The following SUMF1 variants were observed in gnomAD, a reference collection of about 807,000 sequenced individuals.
SUMF1 encodes formylglycine-generating enzyme.
SUMF1 carries 48 observed loss-of-function variants against 47.6 expected under a neutral mutation model. The ratio of observed to expected loss-of-function variants is 1.01; its 90% CI spans 0.80 to 1.28. The LOEUF is 1.28. Among genes scored for constraint, SUMF1 ranks in the 50% most tolerant of loss-of-function variants. The pLI is 0.00. For missense variants in SUMF1, 571 were observed against 485.4 expected, an observed-to-expected ratio of 1.18 and a Z score of -1.66; for synonymous variants, 230 against 192.1, an observed-to-expected ratio of 1.20 and a Z score of -1.63.
chr3:4,111,806 C>T (rs1432346897), intron 8 of SUMF1, among the ~76,000 whole-genome samples: 1 of 152,004 alleles, frequency 6.6e-6, no homozygotes. Flanking sequence ...ATACCAAGTA[C>T]AACGTAAAAG....
intron 8 of SUMF1, among the ~76,000 whole-genome samples, chr3:4,233,071 G>A (rs1466877030): frequency 6.6e-6 from 1 of 152,104 alleles, no homozygotes; most frequent in Non-Finnish European, 1.5e-5. Context: ...CCTAAGCCAG[G>A]TTTTCAATAG....
intron 8 of SUMF1, among the ~76,000 whole-genome samples, chr3:4,107,906 A>C (rs1693194475): frequency 6.6e-6 from 1 of 152,116 alleles, no homozygotes. Context: ...ACTACTAAAT[A>C]CATGAGCTGT....
At position 4,050,731 on chromosome 3, in the gene SUMF1, A is replaced by G. The variant is rs1380955274; in HGVS notation, c.1191+17838T>C. ...GCACTCCACTTCAGCCTGGGCAACC[A>G]GAGTGAGACCCTGTCTCAAAAAAAA... On this transcript the variant is annotated intron_variant and NMD_transcript_variant, in intron 9 of 12. Transcript: ENST00000448413. 4.9e-5 allele frequency among the ~76,000 whole-genome samples: 7 copies of G among 144,060 alleles called. No homozygotes were observed. In the East Asian group the frequency reaches 1.4e-3, roughly 29 times the overall value. 94.5% of individuals were successfully genotyped at this position (144,060 alleles called of 152,430 possible).
chr3:4,349,075 C>T (rs1699433065), intron 8 of SUMF1, among the ~76,000 whole-genome samples: 1 of 152,148 alleles, frequency 6.6e-6, no homozygotes, highest in Non-Finnish European at 1.5e-5. Flanking sequence ...ATCTACAGAA[C>T]AGGAGACAAT....
intron 5 of SUMF1, 28 bp from the exon 6 acceptor site, chr3:4,417,270 T>C: frequency 6.3e-7 from 1 of 1,597,990 alleles, no homozygotes; most frequent in Non-Finnish European, 8.6e-7. Flanking sequence ...GGCATCAGCC[T>C]GTCAAACAGG....
chr3:4,272,939 G>A (rs569526948), intron 8 of SUMF1, among the ~76,000 whole-genome samples: 16 of 152,068 alleles, frequency 1.1e-4, no homozygotes, highest in East Asian at 1.9e-4. Flanking sequence ...GCGAGGCATC[G>A]TGTTACGCAC....
chr3:4,069,354 C>T (rs1465162788), intron 8 of SUMF1, among the ~76,000 whole-genome samples: 1 of 152,158 alleles, frequency 6.6e-6, no homozygotes, highest in South Asian at 2.1e-4. Flanking sequence ...TCACTTAGGG[C>T]CCTGTGCTCA....
At chr3:4,435,014 G>A (rs1003581708) in intron 3 of SUMF1, among the ~76,000 whole-genome samples, 16 of 152,078 alleles carry the variant, frequency 1.1e-4, no homozygotes, top group African/African-American at 3.4e-4. Flanking sequence ...TGCAACCTCC[G>A]CCACCCAGGT....
chr3:4,421,034 G>C (rs1326777815), intron 3 of SUMF1, among the ~76,000 whole-genome samples: 2 of 152,178 alleles, frequency 1.3e-5, no homozygotes, highest in Admixed American at 6.5e-5. Context: ...GGTCAAGTGA[G>C]GTAAGATTGG....
At chr3:4,296,777 GATA>G (rs140633173) in intron 8 of SUMF1, among the ~76,000 whole-genome samples, 3,800 of 151,868 alleles carry the variant, frequency 0.025, 166 homozygotes, top group African/African-American at 0.086. Context: ...ACTGTCTAAT[GATA>G]ATAATGGTAA....
rs1171596276 is a variant in SUMF1 at position 4,240,895 on chromosome 3, CCCTTTATAAAGA to C, written c.1014+135423_1014+135434del. On this transcript the variant is annotated intron_variant and NMD_transcript_variant, in intron 8 of 12. Transcript: ENST00000448413. Reference sequence around the variant, plus strand: ...CCTACGGAACTGAAGTGTCAAGTGACCCTTTATAAAGACCTTTATAAAGACTTAAATGACAAA... The same window carrying C: ...CCTACGGAACTGAAGTGTCAAGTGACCCTTTATAAAGACTTAAATGACAAA... Among the ~76,000 whole-genome samples the C allele has an allele frequency of 4.0e-5, 6 of 151,894 alleles. No individual in the cohort carries two copies. The East Asian group carries it at 5.8e-4, about 15-fold the overall frequency.
At chr3:4,234,685 T>C (rs964231310) in intron 8 of SUMF1, among the ~76,000 whole-genome samples, 2 of 152,108 alleles carry the variant, frequency 1.3e-5, no homozygotes, top group African/African-American at 4.8e-5. Flanking sequence ...GACTTTAGTG[T>C]TAAGGAAGTA....
intron 4 of SUMF1, among the ~76,000 whole-genome samples, chr3:4,419,614 A>G (rs1412041623): frequency 2.0e-5 from 3 of 152,166 alleles, no homozygotes; most frequent in African/African-American, 4.8e-5. Context: ...AAGAATTCCA[A>G]TCTGGAACTC....
chr3:4,371,293 A>G (rs538638202), intron 8 of SUMF1, among the ~76,000 whole-genome samples: 4 of 152,174 alleles, frequency 2.6e-5, no homozygotes, highest in African/African-American at 7.2e-5. Context: ...TTTTAGTCCT[A>G]TTTCATTAAG....
rs965668239 is a variant in SUMF1, at chr3:4,325,620, C to G, written c.1014+50710G>C. Among the ~76,000 whole-genome samples, 3 of 151,892 alleles carry G rather than the reference C, an allele frequency of 2.0e-5. No homozygotes were observed. The East Asian group carries it at 5.8e-4, about 29-fold the overall frequency. On this transcript the variant is annotated intron_variant and NMD_transcript_variant, in intron 8 of 12. Coordinates refer to the SUMF1 transcript ENST00000448413. The stretch of plus-strand genomic sequence containing the variant: ...GTGTATATATGTGTACACACACACA[C>G]ACACACACACATATATGCATAGGTT...
chr3:4,238,698 C>T (rs1332198461), intron 8 of SUMF1, among the ~76,000 whole-genome samples: 1 of 152,086 alleles, frequency 6.6e-6, no homozygotes, highest in African/African-American at 2.4e-5. Context: ...GGATAGATTG[C>T]AAAAATTTTC....
intron 8 of SUMF1, among the ~76,000 whole-genome samples, chr3:4,171,805 G>C (rs1462757900): frequency 6.6e-6 from 1 of 152,138 alleles, no homozygotes; most frequent in African/African-American, 2.4e-5. Flanking sequence ...GTAAGAAAAA[G>C]CACAAGCTAA....
intron 9 of SUMF1, among the ~76,000 whole-genome samples, chr3:4,037,584 G>C (rs1234998815): frequency 6.6e-6 from 1 of 152,026 alleles, no homozygotes; most frequent in Non-Finnish European, 1.5e-5. Flanking sequence ...AGTTTCCTTT[G>C]ATTGGATTTT....
At position 4,320,464 on chromosome 3, in the gene SUMF1, T is replaced by C. The variant is rs371684767; in HGVS notation, c.1014+55866A>G. 7.2e-5 allele frequency among the ~76,000 whole-genome samples: 11 copies of C among 152,240 alleles called. No homozygotes were observed. The East Asian group carries it at 1.9e-3, about 27-fold the overall frequency. ...GAAGAGAAAGACCATTTTAATTACA[T>C]ACATGCAAATGGAAGCCTCAGAAAA... On this transcript the variant is annotated intron_variant and NMD_transcript_variant, in intron 8 of 12. Coordinates refer to the SUMF1 transcript ENST00000448413.
Sources: allele counts gnomAD v4.1 joint callset (sites outside exome capture counted in the v4.1 genomes callset), GRCh38; gene constraint gnomAD v4.1.1; transcripts MANE v1.5; gene names NCBI Gene and HGNC (gene_info 2026-07-23, HGNC 2026-07-21).